C5orf52: variants seen among roughly 807,000 people sequenced by gnomAD.
C5orf52 encodes chromosome 5 open reading frame 52.
In C5orf52, 15 loss-of-function variants were observed where a neutral mutation model predicts 16.8. The observed-to-expected ratio is 0.89, with a 90% CI of 0.60 to 1.38. The LOEUF is 1.38. C5orf52 is among the 40% of genes most tolerant of loss of function. The probability of loss-of-function intolerance (pLI) is 0.00; values close to 1 mark genes in which losing one functional copy is unlikely to be tolerated. For synonymous variants in C5orf52, 83 were observed against 87.2 expected (o/e 0.95, Z 0.27); for missense variants, 206 against 213.1 (o/e 0.97, Z 0.21).
At chr5:157,676,581 G>A (rs769761932) in intron 2 of C5orf52, among the ~76,000 whole-genome samples, 13 of 152,338 alleles carry the variant, frequency 8.5e-5, no homozygotes, top group Non-Finnish European at 1.5e-4. Flanking sequence ...AGTGGAAATA[G>A]ATGGGCAAGC....
At chr5:157,673,758 C>A (rs905794406) in intron 1 of C5orf52, among the ~76,000 whole-genome samples, 1 of 152,030 alleles carries the variant, frequency 6.6e-6, no homozygotes, top group Non-Finnish European at 1.5e-5. Context: ...GATTCTCCTG[C>A]CCCAGCCTCC....
intron 1 of C5orf52, among the ~76,000 whole-genome samples, chr5:157,672,224 A>T (rs1186412126): frequency 6.6e-6 from 1 of 151,874 alleles, no homozygotes; most frequent in Non-Finnish European, 1.5e-5. Context: ...AATCCGTCTC[A>T]TACGCCCCTT....
chr5:157,673,940 C>G (rs1054294629), intron 1 of C5orf52, among the ~76,000 whole-genome samples: 1 of 152,168 alleles, frequency 6.6e-6, no homozygotes, highest in Non-Finnish European at 1.5e-5. Flanking sequence ...GCCAACTTGC[C>G]CGGTCCTGAA....
upstream of C5orf52, chr5:157,671,420 G>T (rs993675141): frequency 4.7e-5 from 27 of 579,342 alleles, no homozygotes; most frequent in African/African-American, 2.1e-4. Context: ...TACCGCGTCC[G>T]TGGCCGCCGG....
rs149977067 is a variant in C5orf52, at chr5:157,677,994, A to T, written c.322-1847A>T. Reference sequence around the variant, plus strand: ...TAGAGTGAGACCCTGTCTCAAAAAAAAAAGAAAAAAAGAAAATGGTGGTAA... The same window carrying T: ...TAGAGTGAGACCCTGTCTCAAAAAATAAAGAAAAAAAGAAAATGGTGGTAA... On this transcript the variant is annotated intron_variant, in intron 2 of 2. Transcript: ENST00000409999. Among the ~76,000 whole-genome samples, 427 of 152,262 alleles carry T rather than the reference A, an allele frequency of 2.8e-3. 3 individuals are homozygous for T. Among genetic ancestry groups the T allele is most frequent in the African/African-American group, 9.6e-3 (401 of 41,556 alleles).
intron 2 of C5orf52, among the ~76,000 whole-genome samples, chr5:157,675,903 AC>A (rs1416133018): frequency 3.9e-5 from 6 of 151,976 alleles, no homozygotes; most frequent in African/African-American, 1.5e-4. Flanking sequence ...GAGTGCTGTC[AC>A]CCCACTGTTC....
intron 2 of C5orf52, among the ~76,000 whole-genome samples, chr5:157,675,748 G>A (rs560607820): frequency 6.6e-6 from 1 of 152,258 alleles, no homozygotes; most frequent in Admixed American, 6.5e-5. Flanking sequence ...CCAAAGTCTT[G>A]GGTCCTAGAG....
rs145100528 is a variant in C5orf52 at position 157,674,871 on chromosome 5, T to C, written c.213-221T>C. 2.4e-3 allele frequency among the ~76,000 whole-genome samples: 364 copies of C among 152,354 alleles called. 3 individuals carry two copies. Among genetic ancestry groups the C allele is most frequent in the African/African-American group, 8.5e-3 (352 of 41,584 alleles). ...ACTAGGCCATTTTACATCCTCAGAA[T>C]GGCTTTTCTTCTGGGTAACCATGAA... is the stretch of plus-strand genomic sequence containing the variant. On this transcript the variant is annotated intron_variant, in intron 1 of 2. Transcript: ENST00000409999.
intron 2 of C5orf52, among the ~76,000 whole-genome samples, chr5:157,676,545 C>T (rs148687225): frequency 3.3e-5 from 5 of 152,330 alleles, no homozygotes; most frequent in Admixed American, 3.3e-4. Flanking sequence ...ATTTCTCTTT[C>T]TGCTACACTT....
intron 1 of C5orf52, among the ~76,000 whole-genome samples, chr5:157,672,105 C>T (rs1380547464): frequency 6.6e-6 from 1 of 152,148 alleles, no homozygotes; most frequent in African/African-American, 2.4e-5. Context: ...TTCTCAGAAT[C>T]GGTCCTGGCC....
intron 2 of C5orf52, among the ~76,000 whole-genome samples, chr5:157,676,263 G>A (rs1299616686): frequency 6.6e-6 from 1 of 151,992 alleles, no homozygotes; most frequent in African/African-American, 2.4e-5. Flanking sequence ...AGTAGAGACG[G>A]GGTTTCACCA....
chr5:157,675,967 G>A (rs569174313), intron 2 of C5orf52, among the ~76,000 whole-genome samples: 2 of 152,262 alleles, frequency 1.3e-5, no homozygotes, highest in South Asian at 4.1e-4. Context: ...GCCTGCTTGG[G>A]ACAGGTACTG....
At chr5:157,676,504 C>T (rs73306887) in intron 2 of C5orf52, among the ~76,000 whole-genome samples, 1,536 of 152,270 alleles carry the variant, frequency 0.01, 31 homozygotes, top group African/African-American at 0.036. Flanking sequence ...TTGAAGGTCA[C>T]AAACACCAAA....
At chr5:157,678,590 G>C (rs969212219) in intron 2 of C5orf52, among the ~76,000 whole-genome samples, 3 of 152,156 alleles carry the variant, frequency 2.0e-5, no homozygotes, top group Non-Finnish European at 4.4e-5. Context: ...CTGAGTAGCT[G>C]GGATTACAGG....
Position 157,675,164 on chromosome 5 carries a change from T to A in C5orf52, c.285T>A (p.His95Gln), listed in dbSNP as rs1263934229. 6.4e-7 allele frequency: 1 copy of A among 1,551,238 alleles called. No individual in the cohort carries two copies. Among genetic ancestry groups the A allele is most frequent in the Non-Finnish European group, 8.7e-7 (1 of 1,146,544 alleles). ...GCCATTTATCTCGGGTGATTATTCATGATAACCGCATCACACAACGAATCT... is the reference window on the plus strand; with the variant it reads ...GCCATTTATCTCGGGTGATTATTCAAGATAACCGCATCACACAACGAATCT... ...PKSHLSRVII[H>Q]DNRITQRIYE... Residue 95 changes from histidine (H) to glutamine (Q), a missense_variant, in exon 2 of 3, where the codon CAT (histidine) becomes CAA (glutamine). Transcript: ENST00000409999.
chr5:157,672,190 G>A (rs948191218), intron 1 of C5orf52, among the ~76,000 whole-genome samples: 2 of 152,022 alleles, frequency 1.3e-5, no homozygotes, highest in Admixed American at 6.6e-5. Context: ...AGAACCTGGC[G>A]AGGCCCAGGT....
intron 2 of C5orf52, among the ~76,000 whole-genome samples, chr5:157,676,876 T>TA (rs1277107779): frequency 1.4e-5 from 2 of 144,016 alleles, no homozygotes; most frequent in Non-Finnish European, 3.0e-5. Context: ...TTTTTCTTTT[T>TA]TTTTTTTTTT....
chr5:157,679,972 A>G lies in C5orf52; in HGVS notation c.453A>G (p.Leu151=), dbSNP rs1284293842. ...REESVNSNRY[L]TFGIPPPV ...AATCCGTGAACAGCAACCGGTACTT[A>G]ACCTTCGGGATACCACCACCAGTTT... Residue 151 remains leucine (L), a synonymous_variant, in exon 3 of 3, where the codon TTA becomes TTG. Transcript: ENST00000409999. The G allele has an allele frequency of 6.4e-7, 1 of 1,551,678 alleles. No individual in the cohort carries two copies. Among genetic ancestry groups the G allele is most frequent in the Non-Finnish European group, 8.7e-7 (1 of 1,147,002 alleles).
At chr5:157,675,374 A>T (rs145307509) in intron 2 of C5orf52, among the ~76,000 whole-genome samples, 174 bp downstream of exon 2, 12 of 152,276 alleles carry the variant, frequency 7.9e-5, no homozygotes, top group Non-Finnish European at 1.6e-4. Context: ...TGACTTGCGC[A>T]AGGTGTCGCA....
Sources: gnomAD v4.1 joint callset for allele counts (sites outside exome capture counted in the v4.1 genomes callset) on GRCh38, gnomAD v4.1.1 for gene constraint, MANE v1.5 for transcripts, NCBI Gene and HGNC (gene_info 2026-07-23, HGNC 2026-07-21) for gene names.